Variants in TNPO3 observed in about 807,000 individuals in gnomAD.
TNPO3 encodes transportin-3.
A neutral mutation model predicts 122.8 loss-of-function variants in TNPO3; 65 were observed. The observed-to-expected ratio is 0.53, with a 90% CI of 0.43 to 0.65. TNPO3 has a LOEUF of 0.65. TNPO3 is among the 30% of genes least tolerant of loss of function. TNPO3 has a pLI of 0.00. For missense variants in TNPO3, 850 were observed against 1,136.7 expected (o/e 0.75, Z 3.63); for synonymous variants, 372 against 411.2 (o/e 0.90, Z 1.15).
At chr7:128,981,161 AG>A (rs1239115602) in intron 14 of TNPO3, among the ~76,000 whole-genome samples, 5 of 152,234 alleles carry the variant, frequency 3.3e-5, no homozygotes, top group Non-Finnish European at 7.3e-5. Context: ...GCATGTTAAT[AG>A]GGCTCTCCTA....
intron 13 of TNPO3, 88 bp from the exon 14 acceptor site, chr7:128,982,412 T>C: frequency 1.7e-6 from 2 of 1,169,814 alleles, no homozygotes; most frequent in Middle Eastern, 2.0e-4. Context: ...TTTGTCTCAA[T>C]CTCTGCTTAT....
chr7:129,028,185 T>C (rs1805490223), intron 1 of TNPO3, among the ~76,000 whole-genome samples: 1 of 152,176 alleles, frequency 6.6e-6, no homozygotes, highest in Non-Finnish European at 1.5e-5. Flanking sequence ...AGTAATTCAC[T>C]AAGTTATACA....
chr7:128,954,376 T>G lies in TNPO3; in HGVS notation c.*1041A>C, dbSNP rs1265241656. The G allele has an allele frequency of 6.6e-6, 1 of 152,210 alleles. No individual in the cohort carries two copies. The highest frequency in any genetic ancestry group is 1.5e-5 in the Non-Finnish European group (1 of 68,040). The allele number at this position is 152,210 out of a possible 1,614,324, so 9.4% of individuals were successfully genotyped here. The stretch of plus-strand genomic sequence containing the variant: ...CCTTAAAATCAAGTCATTTCCACAC[T>G]TTTTAGTAACATACTAAATGACACA... On this transcript the variant is annotated 3_prime_UTR_variant, in exon 23 of 23. Transcript: ENST00000265388.
At chr7:129,026,772 A>AT (rs1805231738) in intron 1 of TNPO3, among the ~76,000 whole-genome samples, 1 of 151,982 alleles carries the variant, frequency 6.6e-6, no homozygotes, top group Non-Finnish European at 1.5e-5. Context: ...TTTATATACA[A>AT]TTTTTTAAAA....
chr7:129,004,665 A>G (rs1584566853), intron 5 of TNPO3, among the ~76,000 whole-genome samples: 2 of 152,352 alleles, frequency 1.3e-5, no homozygotes, highest in Non-Finnish European at 2.9e-5. Context: ...CTTGTGATGC[A>G]CACATAATTA....
At position 128,984,230 on chromosome 7, in the gene TNPO3, A is replaced by C; in HGVS notation, c.1720T>G (p.Leu574Val). The part of the protein sequence containing the change: ...GTALVLARLP[L>V]DKITECLSEL... ...CTAAGACATTCGGTAATCTTATCCA[A>C]AGGTAATCGGGCTAGGACAAGTGCT... The change falls in exon 13 of 23, where the codon TTG (leucine) becomes GTG (valine). Residue 574 changes from leucine to valine, a missense_variant. Coordinates refer to ENST00000265388, the MANE Select transcript of TNPO3 (RefSeq NM_012470.4). 1 of 1,613,254 alleles carries C rather than the reference A, an allele frequency of 6.2e-7. No individual in the cohort carries two copies. The highest frequency in any genetic ancestry group is 8.5e-7 in the Non-Finnish European group (1 of 1,179,654).
At chr7:128,990,126 A>C in intron 10 of TNPO3, 26 bp from the exon 11 acceptor site, 1 of 1,613,900 alleles carries the variant, frequency 6.2e-7, no homozygotes, top group Non-Finnish European at 8.5e-7. Flanking sequence ...AAGTACTCAC[A>C]GTTACTGATT....
chr7:128,989,947 G>A lies in TNPO3; in HGVS notation c.1498+14C>T, dbSNP rs754149912. On this transcript the variant is annotated intron_variant, in intron 11 of 22. Coordinates refer to ENST00000265388, the MANE Select transcript of TNPO3 (RefSeq NM_012470.4). ...GACAAGTTAGAAGTGGCAGAGGAGA[G>A]AGATTACACATACCAAGGAACTGAG... The A allele has an allele frequency of 1.9e-6, 3 of 1,607,308 alleles. No homozygotes were observed. The highest frequency in any genetic ancestry group is 1.7e-6 in the Non-Finnish European group (2 of 1,174,126).
At chr7:129,002,668 C>G (rs111415669) in intron 5 of TNPO3, among the ~76,000 whole-genome samples, 18 of 152,236 alleles carry the variant, frequency 1.2e-4, no homozygotes, top group African/African-American at 4.3e-4. Context: ...CCTGTAATCC[C>G]AGCACTTTGG....
chr7:129,019,066 T>C (rs924781092), intron 1 of TNPO3, among the ~76,000 whole-genome samples: 10 of 152,058 alleles, frequency 6.6e-5, no homozygotes, highest in African/African-American at 2.4e-4. Flanking sequence ...GTGCTACACA[T>C]GTTACTGAAA....
intron 1 of TNPO3, among the ~76,000 whole-genome samples, chr7:129,034,652 G>A (rs1435693901): frequency 5.9e-5 from 9 of 152,010 alleles, no homozygotes; most frequent in Admixed American, 4.6e-4. Flanking sequence ...CACTTTGGGA[G>A]GCTGAGGCGG....
chr7:128,995,012 C>T (rs1342999098), intron 8 of TNPO3, among the ~76,000 whole-genome samples: 1 of 152,168 alleles, frequency 6.6e-6, no homozygotes, highest in African/African-American at 2.4e-5. Flanking sequence ...ATTACCCAGG[C>T]TGGTCTCAAA....
intron 1 of TNPO3, among the ~76,000 whole-genome samples, chr7:129,038,778 T>C (rs1283554306): frequency 3.3e-5 from 5 of 152,110 alleles, no homozygotes; most frequent in Non-Finnish European, 5.9e-5. Context: ...GGGAGTTAAA[T>C]GATGAGAACA....
At chr7:128,999,893 G>A (rs1423410504) in intron 7 of TNPO3, among the ~76,000 whole-genome samples, 1 of 152,156 alleles carries the variant, frequency 6.6e-6, no homozygotes, top group African/African-American at 2.4e-5. Context: ...GATTACAGGT[G>A]TGAGCCACCA....
Position 128,992,053 on chromosome 7 carries a change from T to C in TNPO3, c.1304A>G (p.Glu435Gly). The change falls in exon 10 of 23, where the codon GAG becomes GGG. Residue 435 changes from glutamate (E) to glycine (G), a missense_variant. Glu to Gly is a moderately conservative substitution (Grantham distance 98). Transcript: ENST00000265388. ...GATAAAGAGAACCGCTTCTGTCACCTCCCAGGGTGGGTTGCCTTCTTTCAG... is the reference window on the plus strand; with the variant it reads ...GATAAAGAGAACCGCTTCTGTCACCCCCCAGGGTGGGTTGCCTTCTTTCAG... ...STLKEGNPPW[E>G]VTEAVLFIMA... 1.2e-6 allele frequency: 2 copies of C among 1,609,274 alleles called. No homozygotes were observed. Among genetic ancestry groups the C allele is most frequent in the Non-Finnish European group, 1.7e-6 (2 of 1,177,850 alleles).
intron 10 of TNPO3, 36 bp downstream of exon 10, chr7:128,991,959 ATATT>A (rs1800789798): frequency 7.2e-7 from 1 of 1,383,502 alleles, no homozygotes; most frequent in Non-Finnish European, 1.0e-6. Context: ...CTTCCTCTTG[ATATT>A]TAGAGTTCCC....
At chr7:129,004,111 T>C (rs1482715644) in intron 5 of TNPO3, among the ~76,000 whole-genome samples, 4 of 152,216 alleles carry the variant, frequency 2.6e-5, no homozygotes, top group Non-Finnish European at 5.9e-5. Flanking sequence ...GCTTAGCTTC[T>C]GATGCAAAAA....
chr7:128,957,286 G>A lies in TNPO3; in HGVS notation c.2741C>T (p.Ala914Val), dbSNP rs61756249. The A allele has an allele frequency of 4.0e-4, 638 of 1,614,122 alleles. 1 individual carries two copies. In the Middle Eastern group the frequency reaches 0.012, roughly 30 times the overall value. Residue 914 changes from alanine to valine, a missense_variant, in exon 22 of 23, where the codon GCC becomes GTC. Physicochemically the swap from Ala to Val is moderately conservative, Grantham distance 64. Transcript: ENST00000265388. ...SAEECKQVCW[A>V]LRDFTRLFR ...AAACAACCTGGTGAAGTCTCGCAAG[G>A]CCCAGCAAACTTGTTTACATTCCTC...
intron 4 of TNPO3, 92 bp downstream of exon 4, chr7:129,014,887 G>C: frequency 7.6e-7 from 1 of 1,312,782 alleles, no homozygotes; most frequent in Non-Finnish European, 1.0e-6. Context: ...ATTTTGCAAA[G>C]AAAGCTATTT....
Sources: gnomAD v4.1 joint callset for allele counts (sites outside exome capture counted in the v4.1 genomes callset) on GRCh38, gnomAD v4.1.1 for gene constraint, MANE v1.5 for transcripts, NCBI Gene and HGNC (gene_info 2026-07-23, HGNC 2026-07-21) for gene names.